The following JARID2 variants were observed in gnomAD, a reference collection of about 807,000 sequenced individuals.
JARID2 encodes jumonji and AT-rich interaction domain containing 2.
JARID2 carries 21 observed loss-of-function variants against 125.6 expected under a neutral mutation model. The observed-to-expected ratio is 0.17, with a 90% CI of 0.12 to 0.24. JARID2 has a LOEUF of 0.24. Among genes scored for constraint, JARID2 ranks in the 10% least tolerant of loss-of-function variants. The pLI is 1.00. For missense variants in JARID2, 1,303 were observed against 1,639.6 expected, an observed-to-expected ratio of 0.79 and a Z score of 3.55; for synonymous variants, 736 against 661.6, an observed-to-expected ratio of 1.11 and a Z score of -1.73.
Position 15,507,445 on chromosome 6 carries a change from G to A in JARID2, c.2731+29G>A, listed in dbSNP as rs774173681. 7 of 1,599,832 alleles carry A rather than the reference G, an allele frequency of 4.4e-6. No homozygotes were observed. In the South Asian group the frequency reaches 7.7e-5, roughly 18 times the overall value. On this transcript the variant is annotated intron_variant, in intron 11 of 17. Coordinates refer to ENST00000341776, the MANE Select transcript of JARID2 (RefSeq NM_004973.4). ...AGCCTGACTGTGGCCGCCTGCCTGT[G>A]GCAGCTGTGTCCATGAGTCCTACTT...
chr6:15,248,908 G>A, intron 1 of JARID2: 1 of 985,656 alleles, frequency 1.0e-6, no homozygotes, highest in Non-Finnish European at 1.2e-6. Flanking sequence ...AGGAGGAAGA[G>A]GAGGAAGATG....
chr6:15,428,228 A>G (rs1164095236), intron 3 of JARID2, among the ~76,000 whole-genome samples: 3 of 151,936 alleles, frequency 2.0e-5, no homozygotes, highest in East Asian at 3.9e-4. Flanking sequence ...TTTAGGCTCA[A>G]TGGCTTTAAT....
chr6:15,265,228 C>T (rs996032275), intron 1 of JARID2, among the ~76,000 whole-genome samples: 2 of 152,054 alleles, frequency 1.3e-5, no homozygotes, highest in African/African-American at 4.8e-5. Context: ...TAATGTTGGC[C>T]GGATCCAGCC....
intron 1 of JARID2, among the ~76,000 whole-genome samples, chr6:15,362,134 C>G (rs900378596): frequency 1.3e-5 from 2 of 150,560 alleles, no homozygotes; most frequent in South Asian, 2.1e-4. Flanking sequence ...TGATCTGCGC[C>G]CCCCCCGCCT....
At position 15,496,229 on chromosome 6, in the gene JARID2, C is replaced by T. The variant is rs753422776; in HGVS notation, c.1004C>T (p.Thr335Ile). The change falls in exon 7 of 18, where the codon ACT becomes ATT. Residue 335 changes from threonine to isoleucine, a missense_variant. Physicochemically the swap from Thr to Ile is moderately conservative, Grantham distance 89 (BLOSUM62 -1). Coordinates refer to ENST00000341776, the MANE Select transcript of JARID2 (RefSeq NM_004973.4). The stretch of plus-strand genomic sequence containing the variant: ...GAGGTCAGACCTTCACCATCCAAAA[C>T]TGTGAAGTACACTGCCACGGTGACG... ...MREVRPSPSK[T>I]VKYTATVTKG... 5.0e-6 allele frequency: 8 copies of T among 1,614,170 alleles called. No homozygotes were observed. Among genetic ancestry groups the T allele is most frequent in the Non-Finnish European group, 6.8e-6 (8 of 1,180,038 alleles).
chr6:15,295,460 A>C (rs948267189), intron 1 of JARID2, among the ~76,000 whole-genome samples: 1 of 152,100 alleles, frequency 6.6e-6, no homozygotes, highest in Non-Finnish European at 1.5e-5. Context: ...ATAGGTAATA[A>C]GATTTGTGGA....
intron 1 of JARID2, among the ~76,000 whole-genome samples, chr6:15,354,917 G>A (rs991142905): frequency 5.3e-5 from 8 of 152,180 alleles, no homozygotes; most frequent in African/African-American, 1.2e-4. Flanking sequence ...TAGAAAAGCC[G>A]GGGAGGTGAA....
chr6:15,496,406 G>T lies in JARID2; in HGVS notation c.1181G>T (p.Gly394Val), dbSNP rs774758348. The T allele has an allele frequency of 3.7e-6, 6 of 1,613,832 alleles. No individual in the cohort carries two copies. In the South Asian group the frequency reaches 4.4e-5, roughly 12 times the overall value. ...AKTRKQVLSL[G>V]GASKSTGPAV... The stretch of plus-strand genomic sequence containing the variant: ...ACCCGCAAACAGGTGCTATCCCTCG[G>T]GGGGGCGTCCAAGTCCACTGGGCCC... Residue 394 changes from glycine to valine, a missense_variant, in exon 7 of 18, where the codon GGG (glycine) becomes GTG (valine). Physicochemically the swap from Gly to Val is moderately radical, Grantham distance 109. Around this residue, in one of 11 missense-constraint regions of JARID2, gnomAD observed 651 missense variants for 581.6 expected, o/e 1.12. Coordinates refer to ENST00000341776, the MANE Select transcript of JARID2 (RefSeq NM_004973.4).
chr6:15,390,729 A>T (rs1561831941), intron 2 of JARID2, among the ~76,000 whole-genome samples: 1 of 152,188 alleles, frequency 6.6e-6, no homozygotes, highest in African/African-American at 2.4e-5. Context: ...ACAGACCATC[A>T]GAGATTTCCT....
chr6:15,495,264 C>T (rs191346956), intron 6 of JARID2, among the ~76,000 whole-genome samples: 9 of 152,320 alleles, frequency 5.9e-5, no homozygotes, highest in Middle Eastern at 3.4e-3. Flanking sequence ...AAGATTACCA[C>T]GGCGTCCAAG....
chr6:15,504,729 G>A (rs1770912723), intron 9 of JARID2, 137 bp downstream of exon 9: 1 of 629,010 alleles, frequency 1.6e-6, no homozygotes, highest in Middle Eastern at 3.4e-4. Context: ...CGTCCTCTGT[G>A]TTGAGCGTGC....
chr6:15,253,827 G>A (rs577048930), intron 1 of JARID2, among the ~76,000 whole-genome samples: 2 of 152,238 alleles, frequency 1.3e-5, no homozygotes, highest in African/African-American at 2.4e-5. Context: ...TGAAATAACC[G>A]CCTACATTGT....
intron 1 of JARID2, among the ~76,000 whole-genome samples, chr6:15,322,663 C>T (rs1762397521): frequency 6.6e-6 from 1 of 152,176 alleles, no homozygotes; most frequent in South Asian, 2.1e-4. Context: ...TTGCACTAAG[C>T]CACTGGCTGA....
chr6:15,263,591 ATT>A (rs763727930), intron 1 of JARID2, among the ~76,000 whole-genome samples: 13 of 131,578 alleles, frequency 9.9e-5, no homozygotes, highest in African/African-American at 8.5e-5. Flanking sequence ...GAGTCAGACA[ATT>A]TTTTTTTTTT....
At chr6:15,379,153 A>G (rs1445493603) in intron 2 of JARID2, among the ~76,000 whole-genome samples, 1 of 151,816 alleles carries the variant, frequency 6.6e-6, no homozygotes, top group East Asian at 1.9e-4. Context: ...GTGGTTTTAC[A>G]GTGACAAGGA....
At chr6:15,342,594 TATG>T (rs1763105103) in intron 1 of JARID2, among the ~76,000 whole-genome samples, 1 of 152,202 alleles carries the variant, frequency 6.6e-6, no homozygotes, top group Non-Finnish European at 1.5e-5. Flanking sequence ...ATTAACTCCT[TATG>T]ATAAAAAGGA....
chr6:15,412,459 C>T (rs767779110), intron 3 of JARID2, among the ~76,000 whole-genome samples: 2 of 152,134 alleles, frequency 1.3e-5, no homozygotes, highest in Non-Finnish European at 2.9e-5. Flanking sequence ...CAGGCACACA[C>T]CACCATACCT....
At chr6:15,381,888 T>TGTGG (rs2127528711) in intron 2 of JARID2, among the ~76,000 whole-genome samples, 1 of 152,348 alleles carries the variant, frequency 6.6e-6, no homozygotes, top group East Asian at 1.9e-4. Flanking sequence ...CAATGATGAA[T>TGTGG]GTGGGACAGC....
intron 1 of JARID2, among the ~76,000 whole-genome samples, chr6:15,261,310 TC>T (rs1200802300): frequency 9.2e-5 from 11 of 119,234 alleles, no homozygotes; most frequent in African/African-American, 3.2e-4. Flanking sequence ...TTCTTCTTCT[TC>T]TTTTTTTTTT....
Sources: gnomAD v4.1 joint callset for allele counts (sites outside exome capture counted in the v4.1 genomes callset) on GRCh38, gnomAD v4.1.1 for gene constraint, gnomAD v4.1.1 regional missense constraint, MANE v1.5 for transcripts, NCBI Gene and HGNC (gene_info 2026-07-23, HGNC 2026-07-21) for gene names.